RNF123: variants seen among roughly 807,000 people sequenced by gnomAD.
RNF123 encodes ring finger protein 123.
Under a neutral mutation model 168.5 loss-of-function variants are expected in RNF123, and 86 were observed. The observed-to-expected ratio is 0.51, with a 90% CI of 0.43 to 0.61. RNF123 has a LOEUF of 0.61. Ranked by LOEUF, RNF123 falls within the 20% of genes least tolerant of loss-of-function variation. The pLI is 0.00. For synonymous variants in RNF123, 666 were observed against 689.1 expected (o/e 0.97, Z 0.52); for missense variants, 1,419 against 1,729.7 (o/e 0.82, Z 3.19).
At chr3:49,717,553 T>G (rs1336730406) in intron 35 of RNF123, 3 of 238,512 alleles carry the variant, frequency 1.3e-5, no homozygotes, top group Admixed American at 5.2e-5. Flanking sequence ...CCCCTGAGGG[T>G]GGACGGGAGG....
intron 35 of RNF123, chr3:49,719,494 C>T (rs1411231797): frequency 3.9e-6 from 6 of 1,558,396 alleles, no homozygotes; most frequent in African/African-American, 1.4e-5. Context: ...CAGTACAGAG[C>T]AGCTCTGTGC....
rs112205092 is a variant in RNF123, at chr3:49,716,759, C to T, written c.3500+282C>T. The T allele has an allele frequency of 6.6e-5, 28 of 422,346 alleles. 1 individual carries two copies. The highest frequency in any genetic ancestry group is 3.2e-4 in the African/African-American group (16 of 50,578). 26.2% of individuals were successfully genotyped at this position (422,346 alleles called of 1,614,324 possible). ...AGGCCAGGCATGGGAGGCAGGACTC[C>T]GGAGGGTGTGCCGTCCTGTGGTGGA... On this transcript the variant is annotated intron_variant, in intron 35 of 38. Transcript: ENST00000327697.
intron 23 of RNF123, 66 bp downstream of exon 23, chr3:49,705,248 G>A (rs181807071): frequency 1.9e-5 from 29 of 1,526,012 alleles, no homozygotes; most frequent in African/African-American, 5.5e-5. Context: ...TCCCCGATCC[G>A]GGCAAAGCCA....
chr3:49,701,963 G>A, intron 17 of RNF123, 53 bp downstream of exon 17: 8 of 1,552,282 alleles, frequency 5.2e-6, no homozygotes, highest in African/African-American at 1.4e-5. Flanking sequence ...GTGCACATGA[G>A]GGTGCTTGGA....
chr3:49,712,697 G>C, intron 27 of RNF123, 41 bp downstream of exon 27: 1 of 1,602,202 alleles, frequency 6.2e-7, no homozygotes, highest in Non-Finnish European at 8.5e-7. Context: ...CAGAAAAGGG[G>C]TCTCTAGTGT....
At chr3:49,718,892 A>C (rs2080316685) in intron 35 of RNF123, 1 of 1,613,488 alleles carries the variant, frequency 6.2e-7, no homozygotes, top group Admixed American at 1.7e-5. Flanking sequence ...AGCCGGTTGG[A>C]GGAGAGGTCC....
Position 49,721,470 on chromosome 3 carries a change from T to C in RNF123, c.*165T>C, listed in dbSNP as rs758914199. ...GTGGGAGCCCAGCCATGGCCCTAATTGTGCCTGAGCTTGACTTTCAGTCAG... is the reference window on the plus strand; with the variant it reads ...GTGGGAGCCCAGCCATGGCCCTAATCGTGCCTGAGCTTGACTTTCAGTCAG... On this transcript the variant is annotated 3_prime_UTR_variant, in exon 39 of 39. Transcript: ENST00000327697. 1.0e-6 allele frequency: 1 copy of C among 990,432 alleles called. No homozygotes were observed. Among genetic ancestry groups the C allele is most frequent in the Non-Finnish European group, 1.6e-6 (1 of 620,104 alleles). 61.4% of individuals were successfully genotyped at this position (990,432 alleles called of 1,614,324 possible).
intron 24 of RNF123, 99 bp downstream of exon 24, chr3:49,705,778 C>A: frequency 1.3e-6 from 2 of 1,561,340 alleles, no homozygotes; most frequent in South Asian, 1.1e-5. Flanking sequence ...GCTGCCTGTT[C>A]AAGACCGTGC....
rs760947686 is a variant in RNF123, at chr3:49,721,339, CT to C, written c.*37del. The C allele has an allele frequency of 5.1e-5, 82 of 1,614,076 alleles. 2 individuals carry two copies. The Middle Eastern group carries it at 1.2e-3, about 23-fold the overall frequency. On this transcript the variant is annotated 3_prime_UTR_variant, in exon 39 of 39. Coordinates refer to ENST00000327697, the MANE Select transcript of RNF123 (RefSeq NM_022064.5). ...GCCTGTGCCATCCTGGAACCTCCAC[CT>C]TTGAACCCAGAGCCAGGCTGGGCCC...
In RNF123 at chr3:49,705,580, C is replaced by G; in HGVS notation, c.2205C>G (p.Pro735=). 1 of 1,610,532 alleles carries G rather than the reference C, an allele frequency of 6.2e-7. No individual in the cohort carries two copies. The highest frequency in any genetic ancestry group is 8.5e-7 in the Non-Finnish European group (1 of 1,178,612). The change falls in exon 24 of 39, where the codon CCC becomes CCG. Residue 735 remains proline, a synonymous_variant. Transcript: ENST00000327697. ...AGGGCTTGCTGCTGGGGCGGCCCCCCGAGGAGCCTGAGCAGCCCCTCACCG... is the reference window on the plus strand; with the variant it reads ...AGGGCTTGCTGCTGGGGCGGCCCCCGGAGGAGCCTGAGCAGCCCCTCACCG... ...WNEGLLLGRP[P]EEPEQPLTEN...
chr3:49,713,798 G>T lies in RNF123; in HGVS notation c.2810G>T (p.Arg937Leu). The T allele has an allele frequency of 6.2e-7, 1 of 1,612,520 alleles. No homozygotes were observed. Among genetic ancestry groups the T allele is most frequent in the Non-Finnish European group, 8.5e-7 (1 of 1,179,570 alleles). ...ASYVCYPHSL[R>L]AVERIPEEQR... is the part of the protein sequence containing the mutation. Reference sequence around the variant, plus strand: ...TACGTGTGCTACCCACACTCCCTGCGGGCTGTGGAGCGAATCCCCGAGGAG... The same window carrying T: ...TACGTGTGCTACCCACACTCCCTGCTGGCTGTGGAGCGAATCCCCGAGGAG... Residue 937 changes from arginine (R) to leucine (L), a missense_variant, in exon 29 of 39, where the codon CGG becomes CTG. By Grantham distance (102) the Arg-to-Leu change is moderately radical. Transcript: ENST00000327697.
Position 49,714,070 on chromosome 3 carries a change from A to C in RNF123, c.2926-20A>C. The C allele has an allele frequency of 6.2e-7, 1 of 1,613,996 alleles. No homozygotes were observed. Among genetic ancestry groups the C allele is most frequent in the South Asian group, 1.1e-5 (1 of 91,092 alleles). ...GGTGCGCTGTCCCATTGACCTGGGC[A>C]CTGACCCCCACCTCCACAGGGCTGT... On this transcript the variant is annotated intron_variant, in intron 30 of 38. Coordinates refer to ENST00000327697, the MANE Select transcript of RNF123 (RefSeq NM_022064.5).
At chr3:49,698,241 C>T (rs1038738532) in intron 7 of RNF123, 104 bp downstream of exon 7, 3 of 1,085,974 alleles carry the variant, frequency 2.8e-6, no homozygotes, top group Non-Finnish European at 4.1e-6. Context: ...AGGACCCTAA[C>T]TAACCTGGAC....
chr3:49,719,679 C>G (rs960731645), intron 35 of RNF123: 4 of 552,998 alleles, frequency 7.2e-6, no homozygotes, highest in African/African-American at 5.8e-5. Flanking sequence ...CTTCGCTAGC[C>G]CTCTCCAAGC....
chr3:49,720,638 T>G lies in RNF123; in HGVS notation c.3628T>G (p.Phe1210Val). 5.0e-6 allele frequency: 8 copies of G among 1,601,070 alleles called. No individual in the cohort carries two copies. Among genetic ancestry groups the G allele is most frequent in the Non-Finnish European group, 6.8e-6 (8 of 1,171,058 alleles). Residue 1210 changes from phenylalanine to valine, a missense_variant, in exon 36 of 39, where the codon TTC becomes GTC. Coordinates refer to ENST00000327697, the MANE Select transcript of RNF123 (RefSeq NM_022064.5). ...TCTGCCAGCCCCTGACCGGAAGCGC[T>G]TCTCCCTGCAGAGCTGTGAGTGGGC... is the stretch of plus-strand genomic sequence containing the variant. ...TALPAPDRKR[F>V]SLQSYADYIS...
rs538967921 is a variant in RNF123, at chr3:49,698,124, G to C, written c.470G>C (p.Arg157Pro). The change falls in exon 7 of 39, where the codon CGC becomes CCC. Residue 157 changes from arginine to proline, a missense_variant. Transcript: ENST00000327697. The part of the protein sequence containing the change: ...MQIGWCTISC[R>P]FNQEEGVGDT... ...ATCGGCTGGTGCACCATCAGCTGCC[G>C]CTTCAACCAGGAGGTACACGTTGGG... 6.2e-7 allele frequency: 1 copy of C among 1,613,732 alleles called. No homozygotes were observed. Among genetic ancestry groups the C allele is most frequent in the South Asian group, 1.1e-5 (1 of 91,060 alleles).
intron 35 of RNF123, chr3:49,718,801 G>A: frequency 1.2e-6 from 2 of 1,613,226 alleles, no homozygotes; most frequent in Non-Finnish European, 1.7e-6. Context: ...GCAGTCGCAA[G>A]GCAAAGGGTT....
intron 31 of RNF123, 39 bp downstream of exon 31, chr3:49,714,213 C>T (rs779395200): frequency 7.3e-5 from 115 of 1,585,024 alleles, no homozygotes; most frequent in Middle Eastern, 7.0e-4. Flanking sequence ...GCAAGGCAGG[C>T]GGGGGCGCTT....
At chr3:49,703,644 TTTCC>T in intron 21 of RNF123, 116 bp downstream of exon 21, 1 of 749,630 alleles carries the variant, frequency 1.3e-6, no homozygotes, top group Non-Finnish European at 2.2e-6. Flanking sequence ...TGCCCAAGTC[TTTCC>T]ACCCACTCAG....
Sources: allele counts gnomAD v4.1 joint callset, GRCh38; gene constraint gnomAD v4.1.1; transcripts MANE v1.5; gene names NCBI Gene and HGNC (gene_info 2026-07-23, HGNC 2026-07-21).